The following COL4A6 variants were observed in gnomAD, a reference collection of about 807,000 sequenced individuals.
COL4A6 encodes collagen type IV alpha 6 chain, also known as collagen alpha-6(IV) chain.
Under a neutral mutation model 126.7 loss-of-function variants are expected in COL4A6, and 59 were observed. The ratio of observed to expected loss-of-function variants is 0.47; its 90% CI spans 0.38 to 0.58. The LOEUF (loss-of-function observed/expected upper bound fraction) is 0.58, where lower values mean the gene tolerates loss of function less well. Among genes scored for constraint, COL4A6 ranks in the 20% least tolerant of loss-of-function variants. The probability of loss-of-function intolerance (pLI) is 0.00; values close to 1 mark genes in which losing one functional copy is unlikely to be tolerated. For synonymous variants in COL4A6, 547 were observed against 496.6 expected (o/e 1.10, Z -1.35); for missense variants, 1,285 against 1,337.3 (o/e 0.96, Z 0.61).
chrX:108,394,490 C>T (rs761599773), intron 2 of COL4A6, among the ~76,000 whole-genome samples: 23 of 110,508 alleles, frequency 2.1e-4, no homozygotes, highest in South Asian at 1.6e-3. Context: ...TGCACCAAAC[C>T]TAATAAAAAG....
intron 2 of COL4A6, among the ~76,000 whole-genome samples, chrX:108,353,780 T>C (rs1356788511): frequency 8.9e-6 from 1 of 112,209 alleles, no homozygotes; most frequent in Non-Finnish European, 1.9e-5. Flanking sequence ...GAAAGATAGA[T>C]CTTGAAAGGG....
At chrX:108,358,392 C>CT (rs34175473) in intron 2 of COL4A6, among the ~76,000 whole-genome samples, 5,525 of 95,416 alleles carry the variant, frequency 0.058, 459 homozygotes, top group African/African-American at 0.18. Flanking sequence ...AGGATAATGA[C>CT]TTTTTTTTTT....
intron 2 of COL4A6, among the ~76,000 whole-genome samples, chrX:108,384,916 G>A (rs1485535324): frequency 9.0e-6 from 1 of 110,846 alleles, no homozygotes; most frequent in Non-Finnish European, 1.9e-5. Context: ...TGTAAAAGTG[G>A]CAATGATCCC....
intron 43 of COL4A6, among the ~76,000 whole-genome samples, 197 bp downstream of exon 43, chrX:108,160,266 T>G (rs1210990504): frequency 8.9e-6 from 1 of 112,112 alleles, no homozygotes; most frequent in African/African-American, 3.2e-5. Context: ...CCTAGAGAGG[T>G]TGAATAACTA....
At chrX:108,249,642 G>C (rs151056967) in intron 3 of COL4A6, among the ~76,000 whole-genome samples, 538 of 111,801 alleles carry the variant, frequency 4.8e-3, no homozygotes, top group African/African-American at 0.017. Context: ...AAGAATGATT[G>C]TCAGGAATAG....
At chrX:108,316,598 A>G (rs2038885732) in intron 2 of COL4A6, among the ~76,000 whole-genome samples, 1 of 111,491 alleles carries the variant, frequency 9.0e-6, no homozygotes, top group Non-Finnish European at 1.9e-5. Flanking sequence ...AGAGTTGTAA[A>G]TTCTTGTCTC....
At chrX:108,200,364 C>A in intron 13 of COL4A6, among the ~76,000 whole-genome samples, 1 of 112,276 alleles carries the variant, frequency 8.9e-6, no homozygotes, top group South Asian at 3.7e-4. Context: ...TTTATACTTA[C>A]AGTACATCTC....
At chrX:108,201,967 T>C (rs747199481) in intron 13 of COL4A6, among the ~76,000 whole-genome samples, 2 of 112,229 alleles carry the variant, frequency 1.8e-5, no homozygotes, top group Admixed American at 1.9e-4. Flanking sequence ...CTTCTCTGTC[T>C]GGAATTATTA....
At chrX:108,209,180 C>G (rs1342466189) in intron 8 of COL4A6, among the ~76,000 whole-genome samples, 1 of 112,144 alleles carries the variant, frequency 8.9e-6, no homozygotes. Context: ...CCGTAACTCT[C>G]TATTTAGAAA....
intron 2 of COL4A6, among the ~76,000 whole-genome samples, chrX:108,320,823 A>C (rs752406987): frequency 3.6e-5 from 4 of 112,217 alleles, no homozygotes; most frequent in Non-Finnish European, 5.6e-5. Flanking sequence ...TGTCTTTCAC[A>C]TAAAATCTCA....
At chrX:108,370,737 C>T (rs1430942393) in intron 2 of COL4A6, among the ~76,000 whole-genome samples, 9 of 111,413 alleles carry the variant, frequency 8.1e-5, no homozygotes, top group African/African-American at 2.9e-4. Flanking sequence ...GTTCTTAAGG[C>T]CAGAGATTCC....
At chrX:108,405,449 T>C (rs781130431) in intron 2 of COL4A6, among the ~76,000 whole-genome samples, 5 of 111,158 alleles carry the variant, frequency 4.5e-5, no homozygotes, top group Non-Finnish European at 7.5e-5. Context: ...CCTCCCAAAG[T>C]GCTGGTATTA....
rs1443620249 is a variant in COL4A6 at position 108,335,681 on chromosome X, G to A, written c.64-24853C>T. On this transcript the variant is annotated intron_variant, in intron 2 of 44. Coordinates refer to ENST00000334504, the MANE Select transcript of COL4A6 (RefSeq NM_033641.4). ...TAATAATTTAAAATTTGGGGGTTAA[G>A]AAATGAGGGTAGATCATTTTCTGGA... Among the ~76,000 whole-genome samples the A allele has an allele frequency of 3.6e-5, 4 of 111,045 alleles. No individual in the cohort carries two copies. The Admixed American group carries it at 3.8e-4, about 11-fold the overall frequency.
At chrX:108,171,844 G>A (rs757414034) in intron 32 of COL4A6, among the ~76,000 whole-genome samples, 5 of 112,058 alleles carry the variant, frequency 4.5e-5, no homozygotes, top group South Asian at 3.8e-4. Flanking sequence ...GGTTCTCCTC[G>A]CTGCTAAGTC....
chrX:108,364,623 C>T (rs1279210249), intron 2 of COL4A6, among the ~76,000 whole-genome samples: 2 of 110,769 alleles, frequency 1.8e-5, no homozygotes, highest in African/African-American at 6.6e-5. Context: ...ATTCCACACT[C>T]TAGGTTCATG....
intron 2 of COL4A6, among the ~76,000 whole-genome samples, chrX:108,388,049 C>T (rs2040741880): frequency 8.9e-6 from 1 of 112,218 alleles, no homozygotes; most frequent in Non-Finnish European, 1.9e-5. Flanking sequence ...ACCAGCCTTG[C>T]ATCCCCAGGA....
At chrX:108,335,515 A>G (rs1293720371) in intron 2 of COL4A6, among the ~76,000 whole-genome samples, 1 of 111,812 alleles carries the variant, frequency 8.9e-6, no homozygotes, top group East Asian at 2.8e-4. Context: ...AAAGACACAC[A>G]GGCTTTTGAG....
chrX:108,335,507 AG>A (rs1352494702), intron 2 of COL4A6, among the ~76,000 whole-genome samples: 29 of 111,895 alleles, frequency 2.6e-4, no homozygotes, highest in African/African-American at 8.4e-4. Flanking sequence ...GTTTTATAAA[AG>A]ACACACAGGC....
In COL4A6 at chrX:108,214,106, G is replaced by A. The variant is rs1260215902; in HGVS notation, c.441+6C>T. ...TGAAATAAAATGCAAATATCTGGCA[G>A]CATACGGGTGGTCCGAGAAGCCCAG... On this transcript the variant is annotated splice_donor_region_variant and intron_variant, in intron 6 of 44. Coordinates refer to ENST00000334504, the MANE Select transcript of COL4A6 (RefSeq NM_033641.4). The A allele has an allele frequency of 1.7e-6, 2 of 1,184,977 alleles. No individual in the cohort carries two copies. Among genetic ancestry groups the A allele is most frequent in the Admixed American group, 2.2e-5 (1 of 45,482 alleles).
Sources: gnomAD v4.1 joint callset for allele counts (sites outside exome capture counted in the v4.1 genomes callset) on GRCh38, gnomAD v4.1.1 for gene constraint, MANE v1.5 for transcripts, NCBI Gene and HGNC (gene_info 2026-07-23, HGNC 2026-07-21) for gene names.